Variants in SCRG1 observed in about 807,000 individuals in gnomAD.
SCRG1 encodes stimulator of chondrogenesis 1.
Under a neutral mutation model 7.7 loss-of-function variants are expected in SCRG1, and 3 were observed. The ratio of observed to expected loss-of-function variants is 0.39; its 90% CI spans 0.18 to 1.01. The LOEUF is 1.01. Ranked by LOEUF, SCRG1 falls within the 50% of genes least tolerant of loss-of-function variation. The probability of loss-of-function intolerance (pLI) is 0.36; values close to 1 mark genes in which losing one functional copy is unlikely to be tolerated. For missense variants in SCRG1, 110 were observed against 117.2 expected, an observed-to-expected ratio of 0.94 and a Z score of 0.28; for synonymous variants, 46 against 41.2, an observed-to-expected ratio of 1.12 and a Z score of -0.44.
the SCRG1 span, among the ~76,000 whole-genome samples, chr4:173,441,345 G>A: frequency 3.9e-5 from 6 of 152,178 alleles, no homozygotes; most frequent in Admixed American, 2.6e-4. Flanking sequence ...TCTCCGTCAC[G>A]GCTCTAATCC....
the SCRG1 span, among the ~76,000 whole-genome samples, chr4:173,456,085 T>C: frequency 6.6e-5 from 10 of 152,186 alleles, no homozygotes; most frequent in African/African-American, 9.7e-5. Flanking sequence ...AGATATTGAC[T>C]TCTCTGTCAT....
chr4:173,488,097 CTAAATAAATAAA>C, the SCRG1 span, among the ~76,000 whole-genome samples: 119 of 145,048 alleles, frequency 8.2e-4, no homozygotes, highest in Admixed American at 1.7e-3. Context: ...GAGACTCTGT[CTAAATAAATAAA>C]TAAATAAATA....
chr4:173,499,722 C>A, the SCRG1 span, among the ~76,000 whole-genome samples: 2 of 152,188 alleles, frequency 1.3e-5, no homozygotes, highest in African/African-American at 4.8e-5. The surrounding 1 kb of genome is among the most constrained non-coding windows in gnomAD (Gnocchi z 4.1). Flanking sequence ...GGCCTCCATG[C>A]AGCAGCCAAC....
chr4:173,392,692 A>C (rs529678299), intron 1 of SCRG1, among the ~76,000 whole-genome samples: 102 of 152,374 alleles, frequency 6.7e-4, no homozygotes, highest in African/African-American at 2.4e-3. Flanking sequence ...CAGGATTAGA[A>C]TCCAGAGCCA....
chr4:173,484,731 A>ATAATACATATTATATATTATATACATG, the SCRG1 span, among the ~76,000 whole-genome samples: 75 of 89,566 alleles, frequency 8.4e-4, no homozygotes, highest in African/African-American at 3.6e-3. Context: ...TTATATGCAT[A>ATAATACATATTATATATTATATACATG]TAATACATAT....
At chr4:173,483,626 TTGTG>T in the SCRG1 span, among the ~76,000 whole-genome samples, 1 of 45,954 alleles carries the variant, frequency 2.2e-5, no homozygotes, top group African/African-American at 6.9e-5. Flanking sequence ...ATATATTATA[TTGTG>T]ATATATAATA....
chr4:173,432,800 T>C, the SCRG1 span, among the ~76,000 whole-genome samples: 1 of 152,236 alleles, frequency 6.6e-6, no homozygotes, highest in Non-Finnish European at 1.5e-5. Flanking sequence ...CAAGCTACCC[T>C]ATATGTTTAA....
chr4:173,492,466 C>G, the SCRG1 span, among the ~76,000 whole-genome samples: 1 of 152,086 alleles, frequency 6.6e-6, no homozygotes, highest in Non-Finnish European at 1.5e-5. Flanking sequence ...TACTCCATGC[C>G]CACACTAATC....
intron 2 of SCRG1, among the ~76,000 whole-genome samples, chr4:173,390,203 CT>C (rs919179175): frequency 5.3e-5 from 8 of 152,016 alleles, no homozygotes; most frequent in Admixed American, 5.2e-4. Flanking sequence ...GCCACCATGC[CT>C]GGCTAATTTT....
chr4:173,388,466 A>T, intron 2 of SCRG1, 71 bp from the exon 3 acceptor site: 1 of 1,013,274 alleles, frequency 9.9e-7, no homozygotes, highest in Non-Finnish European at 1.5e-6. Context: ...TCTAGGTTAA[A>T]AATAGACAGT....
chr4:173,430,246 A>G, the SCRG1 span, among the ~76,000 whole-genome samples: 1 of 152,216 alleles, frequency 6.6e-6, no homozygotes, highest in South Asian at 2.1e-4. Flanking sequence ...GAAAATCCTG[A>G]GGATATTAGA....
chr4:173,433,325 T>C, the SCRG1 span, among the ~76,000 whole-genome samples: 3 of 152,236 alleles, frequency 2.0e-5, no homozygotes, highest in African/African-American at 7.2e-5. Context: ...TAATAGACTT[T>C]GTGATACTCC....
chr4:173,428,703 TG>T, the SCRG1 span, among the ~76,000 whole-genome samples: 3 of 152,342 alleles, frequency 2.0e-5, no homozygotes, highest in South Asian at 4.1e-4. Context: ...GCTCTCTGAC[TG>T]CATGGGTAAC....
At chr4:173,391,495 A>T in intron 1 of SCRG1, 67 bp from the exon 2 acceptor site, 1 of 1,513,178 alleles carries the variant, frequency 6.6e-7, no homozygotes. Flanking sequence ...ATCTGAATGA[A>T]GTTCTGTAGC....
At chr4:173,459,637 A>C in the SCRG1 span, among the ~76,000 whole-genome samples, 2 of 152,226 alleles carry the variant, frequency 1.3e-5, no homozygotes, top group African/African-American at 2.4e-5. Flanking sequence ...GTTTATAGAA[A>C]TAAACACCTA....
upstream of SCRG1, among the ~76,000 whole-genome samples, chr4:173,401,953 T>A (rs1739772489): frequency 6.6e-6 from 1 of 152,252 alleles, no homozygotes; most frequent in Non-Finnish European, 1.5e-5. Context: ...TCACAGAGTC[T>A]GCCTTTGTGG....
chr4:173,444,294 A>G, the SCRG1 span, among the ~76,000 whole-genome samples: 285 of 152,076 alleles, frequency 1.9e-3, 1 homozygote, highest in African/African-American at 6.7e-3. Flanking sequence ...TTTTTTTAGA[A>G]CCACTCTATC....
At chr4:173,424,951 C>T in the SCRG1 span, among the ~76,000 whole-genome samples, 2,173 of 25,048 alleles carry the variant, frequency 0.087, 44 homozygotes, top group Middle Eastern at 0.13. Context: ...ATGTGTGAAG[C>T]CCATATAATG....
chr4:173,514,507 G>A, the SCRG1 span, among the ~76,000 whole-genome samples: 1,644 of 152,256 alleles, frequency 0.011, 25 homozygotes, highest in African/African-American at 0.029. Flanking sequence ...TTACCTAGGT[G>A]TAAAAGTTCT....
Sources: allele counts gnomAD v4.1 joint callset (sites outside exome capture counted in the v4.1 genomes callset), GRCh38; gene constraint gnomAD v4.1.1; non-coding constraint Gnocchi (gnomAD v3.1); transcripts MANE v1.5; gene names NCBI Gene and HGNC (gene_info 2026-07-23, HGNC 2026-07-21).